ZNF154: variants seen among roughly 807,000 people sequenced by gnomAD.
ZNF154 encodes zinc finger protein 154 (pHZ-92).
Under a neutral mutation model 7.5 loss-of-function variants are expected in ZNF154, and 6 were observed. The ratio of observed to expected loss-of-function variants is 0.80; its 90% CI spans 0.44 to 1.57. The LOEUF (loss-of-function observed/expected upper bound fraction) is 1.57. Among genes scored for constraint, ZNF154 ranks in the 40% most tolerant of loss-of-function variants. ZNF154 has a pLI of 0.01. For missense variants in ZNF154, 485 were observed against 531.4 expected (o/e 0.91, Z 0.86); for synonymous variants, 187 against 185.9 (o/e 1.01, Z -0.05).
intron 1 of ZNF154, among the ~76,000 whole-genome samples, chr19:57,707,338 T>G (rs1985435026): frequency 6.6e-6 from 1 of 152,158 alleles, no homozygotes; most frequent in African/African-American, 2.4e-5. Flanking sequence ...CAGTGAATAT[T>G]ACTGTTAATA....
chr19:57,704,755 GC>G, intron 2 of ZNF154, 97 bp downstream of exon 2: 9 of 1,466,856 alleles, frequency 6.1e-6, no homozygotes, highest in Non-Finnish European at 8.3e-6. Context: ...AAGAAGCAGA[GC>G]CCATAGTCTT....
At chr19:57,706,678 C>T (rs1952763233) in intron 1 of ZNF154, among the ~76,000 whole-genome samples, 2 of 152,238 alleles carry the variant, frequency 1.3e-5, no homozygotes, top group Non-Finnish European at 1.5e-5. Context: ...TCCAAACACC[C>T]TACCTCCATA....
Position 57,701,821 on chromosome 19 carries a change from C to T in ZNF154, c.1128G>A (p.Gln376=). ...AGGGTCTTGATCCAGTGTGAACTCT[C>T]TGGTGTTTTCGGAGACTGGAGCTGT... ...FPYSSSLRKH[Q]RVHTGSRPYE... is the part of the protein sequence containing the mutation. Residue 376 remains glutamine (Q), a synonymous_variant, in exon 3 of 3, where the codon CAG becomes CAA. Transcript: ENST00000684351. 6.2e-7 allele frequency: 1 copy of T among 1,614,168 alleles called. No homozygotes were observed. The highest frequency in any genetic ancestry group is 1.1e-5 in the South Asian group (1 of 91,078).
chr19:57,698,054 C>G lies in ZNF154; in HGVS notation c.*3581G>C, dbSNP rs1568459869. 6.6e-6 allele frequency: 1 copy of G among 151,928 alleles called. No individual in the cohort carries two copies. Among genetic ancestry groups the G allele is most frequent in the Non-Finnish European group, 1.5e-5 (1 of 67,950 alleles). The allele number at this position is 151,928 out of a possible 1,614,324, so 9.4% of individuals were successfully genotyped here. On this transcript the variant is annotated 3_prime_UTR_variant, in exon 3 of 3. Transcript: ENST00000684351. ...AAAAAACTACTCAAAATATCCATAACAAATGAATGAATGAATAAACGAATA... is the reference window on the plus strand; with the variant it reads ...AAAAAACTACTCAAAATATCCATAAGAAATGAATGAATGAATAAACGAATA...
chr19:57,705,767 AAAG>A (rs751568890), intron 1 of ZNF154, among the ~76,000 whole-genome samples: 139 of 108,872 alleles, frequency 1.3e-3, no homozygotes, highest in Middle Eastern at 4.6e-3. Flanking sequence ...AAAAAAAAAA[AAAG>A]AAAGATGATA....
Position 57,701,748 on chromosome 19 carries a change from T to A in ZNF154, c.1201A>T (p.Ile401Phe). 1 of 1,613,826 alleles carries A rather than the reference T, an allele frequency of 6.2e-7. No individual in the cohort carries two copies. ...GKSFTQNSGL[I>F]KHRRVHTGEK... ...CCAGTGTGAACCCTCCTGTGCTTAA[T>A]GAGGCCGGAATTTTGAGTAAAGGAT... is the stretch of plus-strand genomic sequence containing the variant. The change falls in exon 3 of 3, where the codon ATT becomes TTT. Residue 401 changes from isoleucine to phenylalanine, a missense_variant. Transcript: ENST00000684351.
rs746861321 is a variant in ZNF154 at position 57,702,188 on chromosome 19, A to T, written c.761T>A (p.Phe254Tyr). The change falls in exon 3 of 3, where the codon TTT (phenylalanine) becomes TAT (tyrosine). Residue 254 changes from phenylalanine to tyrosine, a missense_variant. Physicochemically the swap from Phe to Tyr is conservative, Grantham distance 22 (BLOSUM62 3). Transcript: ENST00000684351. ...TTGAAGGAGTGCAGACCTTTGGCTA[A>T]AGGATTTCCCACATTCACTGCACTC... ...PYECSECGKS[F>Y]SQRSALLQHR... is the part of the protein sequence containing the mutation. 6.2e-7 allele frequency: 1 copy of T among 1,614,134 alleles called. No individual in the cohort carries two copies. Among genetic ancestry groups the T allele is most frequent in the Non-Finnish European group, 8.5e-7 (1 of 1,180,016 alleles).
In ZNF154 at chr19:57,702,476, T is replaced by C; in HGVS notation, c.473A>G (p.Glu158Gly). ...LVQQQRTLTT[E>G]RCYICSECGK... ...ACATTCACTGCATATGTAACATCTT[T>C]CTGTAGTGAGGGTTCTCTGCTGCTG... Residue 158 changes from glutamate (E) to glycine (G), a missense_variant, in exon 3 of 3, where the codon GAA becomes GGA. Physicochemically the swap from Glu to Gly is moderately conservative, Grantham distance 98. Coordinates refer to ENST00000684351, the MANE Select transcript of ZNF154 (RefSeq NM_001085384.3). 1 of 1,614,238 alleles carries C rather than the reference T, an allele frequency of 6.2e-7. No individual in the cohort carries two copies.
chr19:57,702,327 G>C lies in ZNF154; in HGVS notation c.622C>G (p.Arg208Gly), dbSNP rs760946726. The change falls in exon 3 of 3, where the codon CGG becomes GGG. Residue 208 changes from arginine (R) to glycine (G), a missense_variant. Arg to Gly is a moderately radical substitution (Grantham distance 125). Coordinates refer to ENST00000684351, the MANE Select transcript of ZNF154 (RefSeq NM_001085384.3). ...GGTCGTACTGCAGTGTGAACTCTCCGGTGCTGAATGAGACTAGAGCTTTGC... is the reference window on the plus strand; with the variant it reads ...GGTCGTACTGCAGTGTGAACTCTCCCGTGCTGAATGAGACTAGAGCTTTGC... Reference protein sequence around the residue: ...FRQSSSLIQHRRVHTAVRPHE... With the variant: ...FRQSSSLIQHGRVHTAVRPHE... 6.8e-6 allele frequency: 11 copies of C among 1,612,736 alleles called. No individual in the cohort carries two copies. The highest frequency in any genetic ancestry group is 9.3e-6 in the Non-Finnish European group (11 of 1,178,994).
rs1201742232 is a variant in ZNF154, at chr19:57,702,549, T to TA, written c.399_400insT (p.Asn134Ter). 1 of 1,614,196 alleles carries TA rather than the reference T, an allele frequency of 6.2e-7. No homozygotes were observed. The highest frequency in any genetic ancestry group is 8.5e-7 in the Non-Finnish European group (1 of 1,180,030). On this transcript the variant is annotated frameshift_variant, in exon 3 of 3. Coordinates refer to ENST00000684351, the MANE Select transcript of ZNF154 (RefSeq NM_001085384.3). LOFTEE classifies it low-confidence loss of function (END_TRUNC). The stretch of plus-strand genomic sequence containing the variant: ...AATGCTTTTGTGTGTTCTCCACAGT[T>TA]GTAATGAGTTTTTCCTCTGTGACTG...
In ZNF154 at chr19:57,701,633, T is replaced by G; in HGVS notation, c.*2A>C. 6.2e-7 allele frequency: 1 copy of G among 1,609,662 alleles called. No homozygotes were observed. ...TTTCCACATTTGCCACTCATAAGGC[T>G]TTTATCGACTATGAATTCTCTGATG... On this transcript the variant is annotated 3_prime_UTR_variant, in exon 3 of 3. Coordinates refer to ENST00000684351, the MANE Select transcript of ZNF154 (RefSeq NM_001085384.3).
In ZNF154 at chr19:57,700,252, C is replaced by G. The variant is rs1408088509; in HGVS notation, c.*1383G>C. 6.6e-6 allele frequency: 1 copy of G among 152,178 alleles called. No homozygotes were observed. Among genetic ancestry groups the G allele is most frequent in the African/African-American group, 2.4e-5 (1 of 41,434 alleles). The allele number at this position is 152,178 out of a possible 1,614,324, so 9.4% of individuals were successfully genotyped here. A position where few individuals can be genotyped will look rare whatever the true frequency, so the allele number is the denominator to read the frequency against. ...AAGGCTGTATCAATGGCCTAGACCTCCCTTCTCTATCCTTGTTTTCCTGCC... is the reference window on the plus strand; with the variant it reads ...AAGGCTGTATCAATGGCCTAGACCTGCCTTCTCTATCCTTGTTTTCCTGCC... On this transcript the variant is annotated 3_prime_UTR_variant, in exon 3 of 3. Transcript: ENST00000684351.
In ZNF154 at chr19:57,697,138, A is replaced by G. The variant is rs1284199138; in HGVS notation, c.*4497T>C. Among the ~76,000 whole-genome samples, 1 of 152,092 alleles carries G rather than the reference A, an allele frequency of 6.6e-6. No individual in the cohort carries two copies. The highest frequency in any genetic ancestry group is 2.1e-4 in the South Asian group (1 of 4,828). On this transcript the variant is annotated 3_prime_UTR_variant, in exon 3 of 3. Transcript: ENST00000684351. ...AGTGAGGCTTTTTTCTTACCTTGCA[A>G]TTTCTTAGTGGATTGTCTGTGATGT...
At position 57,709,073 on chromosome 19, in the gene ZNF154, G is replaced by A; in HGVS notation, c.-102C>T. 2 of 1,508,898 alleles carry A rather than the reference G, an allele frequency of 1.3e-6. No homozygotes were observed. Among genetic ancestry groups the A allele is most frequent in the South Asian group, 2.4e-5 (2 of 82,968 alleles). 93.5% of individuals were successfully genotyped at this position (1,508,898 alleles called of 1,614,324 possible). A position where few individuals can be genotyped will look rare whatever the true frequency, so the allele number is the denominator to read the frequency against. On this transcript the variant is annotated 5_prime_UTR_variant, in exon 1 of 3. Transcript: ENST00000684351. ...AGGCCTGACGTGGGTCCCCCAGGGC[G>A]GCGTCGCCAAGGCTTAGACGCTTTC... is the stretch of plus-strand genomic sequence containing the variant.
At chr19:57,706,643 G>A (rs1183937093) in intron 1 of ZNF154, among the ~76,000 whole-genome samples, 2 of 152,218 alleles carry the variant, frequency 1.3e-5, no homozygotes, top group Admixed American at 6.5e-5. Context: ...CCTTGAAAGT[G>A]TATGCCACCT....
In ZNF154 at chr19:57,704,945, A is replaced by G. The variant is rs776352772; in HGVS notation, c.68T>C (p.Phe23Ser). ...AAGGAGACCCCATTCCTCCCAGGAGAAGTGTACGGCCACATCTTCAAAGGT... is the reference window on the plus strand; with the variant it reads ...AAGGAGACCCCATTCCTCCCAGGAGGAGTGTACGGCCACATCTTCAAAGGT... ...TVTFEDVAVH[F>S]SWEEWGLLDE... is the part of the protein sequence containing the mutation. Residue 23 changes from phenylalanine to serine, a missense_variant, in exon 2 of 3, where the codon TTC (phenylalanine) becomes TCC (serine). Phe to Ser is a radical substitution (Grantham distance 155, BLOSUM62 -2). Transcript: ENST00000684351. 4 of 1,613,734 alleles carry G rather than the reference A, an allele frequency of 2.5e-6. No individual in the cohort carries two copies. The highest frequency in any genetic ancestry group is 3.4e-6 in the Non-Finnish European group (4 of 1,179,870).
intron 1 of ZNF154, among the ~76,000 whole-genome samples, chr19:57,708,607 C>T (rs1985494524): frequency 6.6e-6 from 1 of 152,118 alleles, no homozygotes; most frequent in South Asian, 2.1e-4. Context: ...TGGCGTCCCT[C>T]CTTTGTTCAG....
chr19:57,703,315 G>A (rs1051172306), intron 2 of ZNF154, among the ~76,000 whole-genome samples: 13 of 151,050 alleles, frequency 8.6e-5, no homozygotes, highest in South Asian at 6.3e-4. Flanking sequence ...GTGAAACCCC[G>A]TCTCTACTAA....
chr19:57,702,895 G>T, intron 2 of ZNF154, 107 bp from the exon 3 acceptor site: 1 of 1,110,516 alleles, frequency 9.0e-7, no homozygotes, highest in Non-Finnish European at 1.3e-6. Flanking sequence ...TCAAGACCAG[G>T]CTACACGTCT....
Sources: gnomAD v4.1 joint callset for allele counts (sites outside exome capture counted in the v4.1 genomes callset) on GRCh38, gnomAD v4.1.1 for gene constraint, MANE v1.5 for transcripts, NCBI Gene and HGNC (gene_info 2026-07-23, HGNC 2026-07-21) for gene names.